Variants in LILRA5 observed in about 807,000 individuals in gnomAD.
LILRA5 encodes leukocyte immunoglobulin like receptor A5, also known as leukocyte immunoglobulin-like receptor subfamily A member 5.
In LILRA5, 31 loss-of-function variants were observed where a neutral mutation model predicts 36.3. The observed-to-expected ratio is 0.85, with a 90% CI of 0.64 to 1.15. The LOEUF (loss-of-function observed/expected upper bound fraction) is 1.15, where lower values mean the gene tolerates loss of function less well. Among genes scored for constraint, LILRA5 ranks in the 50% most tolerant of loss-of-function variants. The pLI is 0.00. For synonymous variants in LILRA5, 144 were observed against 144.8 expected (o/e 0.99, Z 0.04); for missense variants, 348 against 377.4 (o/e 0.92, Z 0.64).
Position 54,313,080 on chromosome 19 carries a change from A to C in LILRA5, c.-61T>G, listed in dbSNP as rs1228734337. 8.4e-6 allele frequency: 12 copies of C among 1,427,998 alleles called. No individual in the cohort carries two copies. Among genetic ancestry groups the C allele is most frequent in the Non-Finnish European group, 1.1e-5 (11 of 1,021,276 alleles). 88.5% of individuals were successfully genotyped at this position (1,427,998 alleles called of 1,614,324 possible). A position where few individuals can be genotyped will look rare whatever the true frequency, so the allele number is the denominator to read the frequency against. ...GAAGATGCAGGTCCATGCCACAGGC[A>C]GACTCAGATCAGCAGAGACACATCT... is the stretch of plus-strand genomic sequence containing the variant. On this transcript the variant is annotated 5_prime_UTR_variant, in exon 1 of 7. Transcript: ENST00000432233.
In LILRA5 at chr19:54,312,073, C is replaced by T; in HGVS notation, c.200G>A (p.Cys67Tyr). 6.2e-7 allele frequency: 1 copy of T among 1,614,174 alleles called. No individual in the cohort carries two copies. The highest frequency in any genetic ancestry group is 8.5e-7 in the Non-Finnish European group (1 of 1,180,016). The change falls in exon 4 of 7, where the codon TGT becomes TAT. Residue 67 changes from cysteine (C) to tyrosine (Y), a missense_variant. Coordinates refer to ENST00000432233, the MANE Select transcript of LILRA5 (RefSeq NM_021250.4). The stretch of plus-strand genomic sequence containing the variant: ...TTCCTGGGCCTCCAGGGTCCCCTGA[C>T]ACCGGATGGTCACAGAGTTCCCCCG... ...ISRGNSVTIR[C>Y]QGTLEAQEYR...
chr19:54,312,151 G>A lies in LILRA5; in HGVS notation c.125-3C>T. 6.2e-7 allele frequency: 1 copy of A among 1,613,444 alleles called. No individual in the cohort carries two copies. Among genetic ancestry groups the A allele is most frequent in the Non-Finnish European group, 8.5e-7 (1 of 1,179,656 alleles). On this transcript the variant is annotated splice_region_variant and splice_polypyrimidine_tract_variant and intron_variant, in intron 3 of 6. Transcript: ENST00000432233. Reference sequence around the variant, plus strand: ...GAGGGTGGCTTTGGAGAGGTTCCCTGGAAGGAAATCAGAGTCTGGGCTCCA... The same window carrying A: ...GAGGGTGGCTTTGGAGAGGTTCCCTAGAAGGAAATCAGAGTCTGGGCTCCA...
intron 1 of LILRA5, 69 bp from the exon 2 acceptor site, chr19:54,312,690 C>G: frequency 6.8e-7 from 1 of 1,465,252 alleles, no homozygotes; most frequent in Non-Finnish European, 9.5e-7. Context: ...ATAGGATTTT[C>G]TCATTCTCAG....
Position 54,312,064 on chromosome 19 carries a change from G to C in LILRA5, c.209C>G (p.Thr70Ser). 3 of 1,614,152 alleles carry C rather than the reference G, an allele frequency of 1.9e-6. No homozygotes were observed. Among genetic ancestry groups the C allele is most frequent in the Non-Finnish European group, 2.5e-6 (3 of 1,180,016 alleles). ...GNSVTIRCQGTLEAQEYRLVK... is the reference protein window; with the variant it reads ...GNSVTIRCQGSLEAQEYRLVK... ...CAGACGGTATTCCTGGGCCTCCAGG[G>C]TCCCCTGACACCGGATGGTCACAGA... The change falls in exon 4 of 7, where the codon ACC (threonine) becomes AGC (serine). Residue 70 changes from threonine (T) to serine (S), a missense_variant. Thr to Ser is a moderately conservative substitution (Grantham distance 58). Transcript: ENST00000432233.
chr19:54,311,389 C>G lies in LILRA5; in HGVS notation c.712+25G>C, dbSNP rs775002598. On this transcript the variant is annotated intron_variant, in intron 5 of 6. Coordinates refer to ENST00000432233, the MANE Select transcript of LILRA5 (RefSeq NM_021250.4). ...ACCTGTCTGGCTTCCCTGAATTGTA[C>G]TAGAGAAGACTGTGGCTTCCTCACC... 7 of 1,614,188 alleles carry G rather than the reference C, an allele frequency of 4.3e-6. No individual in the cohort carries two copies. In the East Asian group the frequency reaches 1.3e-4, roughly 31 times the overall value.
At position 54,307,242 on chromosome 19, in the gene LILRA5, CAAAA is replaced by C. The variant is rs10573769; in HGVS notation, c.*167_*170del. 1,445 of 115,260 alleles carry C rather than the reference CAAAA, an allele frequency of 0.013. No individual in the cohort carries two copies. Among genetic ancestry groups the C allele is most frequent in the South Asian group, 0.029 (147 of 5,086 alleles). The allele number at this position is 115,260 out of a possible 1,614,324, so 7.1% of individuals were successfully genotyped here. A position where few individuals can be genotyped will look rare whatever the true frequency, so the allele number is the denominator to read the frequency against. ...CTGGTGACAGAGCAAGACTCCATCTCAAAAAAAAAAAAAAAAAAAAAAAAGAAAG... is the reference window on the plus strand; with the variant it reads ...CTGGTGACAGAGCAAGACTCCATCTCAAAAAAAAAAAAAAAAAAAAGAAAG... On this transcript the variant is annotated 3_prime_UTR_variant, in exon 7 of 7. Transcript: ENST00000432233.
At chr19:54,312,516 C>A (rs1447297396) in intron 2 of LILRA5, 21 bp downstream of exon 2, 2 of 1,614,176 alleles carry the variant, frequency 1.2e-6, no homozygotes, top group South Asian at 2.2e-5. Flanking sequence ...GGTGCCCCTT[C>A]CCTGAGGCTT....
At chr19:54,308,397 A>ATATATG (rs2080940629) in intron 5 of LILRA5, 1 of 100,362 alleles carries the variant, frequency 1.0e-5, no homozygotes, top group African/African-American at 4.1e-5. Context: ...ATATATATAT[A>ATATATG]TATATATATA....
At chr19:54,310,830 A>G in intron 5 of LILRA5, 1 of 259,230 alleles carries the variant, frequency 3.9e-6, no homozygotes, top group Non-Finnish European at 8.1e-6. Context: ...GGACCACAAC[A>G]GGGCCCTGCG....
In LILRA5 at chr19:54,307,435, G is replaced by A; in HGVS notation, c.878C>T (p.Pro293Leu). ...TGTTCACCTTCCAGCTGCAGCTTGG[G>A]GGCTTCTCTGGCTGTGCCAATCCTG... ...IFQDWHSQRS[P>L]QAAAGR The change falls in exon 7 of 7, where the codon CCC becomes CTC. Residue 293 changes from proline to leucine, a missense_variant. Pro to Leu is a moderately conservative substitution (Grantham distance 98, BLOSUM62 -3). Transcript: ENST00000432233. 1.2e-6 allele frequency: 2 copies of A among 1,613,014 alleles called. No individual in the cohort carries two copies. The highest frequency in any genetic ancestry group is 1.7e-6 in the Non-Finnish European group (2 of 1,179,466).
rs1463169734 is a variant in LILRA5, at chr19:54,311,443, G to C, written c.683C>G (p.Pro228Arg). 1 of 1,614,138 alleles carries C rather than the reference G, an allele frequency of 6.2e-7. No homozygotes were observed. The highest frequency in any genetic ancestry group is 8.5e-7 in the Non-Finnish European group (1 of 1,180,014). The change falls in exon 5 of 7, where the codon CCC becomes CGC. Residue 228 changes from proline to arginine, a missense_variant. By Grantham distance (103) the Pro-to-Arg change is moderately radical. Coordinates refer to ENST00000432233, the MANE Select transcript of LILRA5 (RefSeq NM_021250.4). ...GACCGGAATCTCCAGGAGGTCACTG[G>C]GTTCTGACCATACCTGCAGGATATG... The part of the protein sequence containing the change: ...RRHILQVWSE[P>R]SDLLEIPVSG...
intron 5 of LILRA5, chr19:54,307,956 A>G (rs2080914407): frequency 3.4e-6 from 2 of 588,388 alleles, no homozygotes; most frequent in Admixed American, 5.9e-5. Context: ...CTTTGAATTT[A>G]AACTTTGCTC....
intron 5 of LILRA5, chr19:54,310,716 TGG>T: frequency 3.0e-6 from 1 of 332,490 alleles, no homozygotes; most frequent in Non-Finnish European, 6.2e-6. Context: ...GAGCCCAGCC[TGG>T]GGCTGCCGGC....
rs1413575189 is a variant in LILRA5 at position 54,307,407 on chromosome 19, T to C, written c.*6A>G. ...GCATTCAATGGTGCATTGTTCTCTCTTCTGTTCACCTTCCAGCTGCAGCTT... is the reference window on the plus strand; with the variant it reads ...GCATTCAATGGTGCATTGTTCTCTCCTCTGTTCACCTTCCAGCTGCAGCTT... On this transcript the variant is annotated 3_prime_UTR_variant, in exon 7 of 7. Transcript: ENST00000432233. The C allele has an allele frequency of 1.2e-6, 2 of 1,604,742 alleles. No homozygotes were observed. Among genetic ancestry groups the C allele is most frequent in the Non-Finnish European group, 1.7e-6 (2 of 1,175,250 alleles).
At position 54,311,525 on chromosome 19, in the gene LILRA5, C is replaced by G; in HGVS notation, c.601G>C (p.Val201Leu). ...PSGQFQALFP[V>L]GPVTPSHRWM... ...CTGTGGCTGGGGGTCACAGGGCCCA[C>G]AGGGAACAGGGCCTGGAACTGCCCA... The change falls in exon 5 of 7, where the codon GTG (valine) becomes CTG (leucine). Residue 201 changes from valine (V) to leucine (L), a missense_variant. Transcript: ENST00000432233. 3.7e-6 allele frequency: 6 copies of G among 1,614,182 alleles called. No homozygotes were observed. Among genetic ancestry groups the G allele is most frequent in the Non-Finnish European group, 5.1e-6 (6 of 1,180,024 alleles).
intron 5 of LILRA5, 38 bp from the exon 6 acceptor site, chr19:54,307,786 T>C: frequency 6.3e-7 from 1 of 1,590,514 alleles, no homozygotes; most frequent in Non-Finnish European, 8.6e-7. Flanking sequence ...GGAGAAGTTC[T>C]TGAAGCAATC....
At chr19:54,311,811 A>G (rs1249484726) in intron 4 of LILRA5, 53 bp downstream of exon 4, 2 of 1,612,700 alleles carry the variant, frequency 1.2e-6, no homozygotes, top group Admixed American at 3.3e-5. Context: ...CTGAGAGCCG[A>G]CCCCCTTCCT....
chr19:54,308,095 T>G (rs758977903), intron 5 of LILRA5: 7 of 223,928 alleles, frequency 3.1e-5, no homozygotes, highest in Non-Finnish European at 5.4e-5. Flanking sequence ...CATAAGCCAA[T>G]TCCCCCAGAG....
In LILRA5 at chr19:54,312,056, C is replaced by T. The variant is rs145772849; in HGVS notation, c.217G>A (p.Ala73Thr). The T allele has an allele frequency of 7.6e-5, 122 of 1,614,132 alleles. 2 individuals carry two copies. The Middle Eastern group carries it at 1.5e-3, about 20-fold the overall frequency. ...VTIRCQGTLEAQEYRLVKEGS... is the reference protein window; with the variant it reads ...VTIRCQGTLETQEYRLVKEGS... ...TCTTTAACCAGACGGTATTCCTGGG[C>T]CTCCAGGGTCCCCTGACACCGGATG... Residue 73 changes from alanine to threonine, a missense_variant, in exon 4 of 7, where the codon GCC becomes ACC. Coordinates refer to ENST00000432233, the MANE Select transcript of LILRA5 (RefSeq NM_021250.4).
Sources: allele counts gnomAD v4.1 joint callset, GRCh38; gene constraint gnomAD v4.1.1; transcripts MANE v1.5; gene names NCBI Gene and HGNC (gene_info 2026-07-23, HGNC 2026-07-21).